The following PTPRG variants were observed in gnomAD, a reference collection of about 807,000 sequenced individuals.
PTPRG encodes the protein receptor-type tyrosine-protein phosphatase gamma.
PTPRG carries 102 observed loss-of-function variants against 165.3 expected under a neutral mutation model. That is an observed-to-expected ratio of 0.62 (90% CI 0.53 to 0.73). The LOEUF (loss-of-function observed/expected upper bound fraction) is 0.73, where lower values mean the gene tolerates loss of function less well. Ranked by LOEUF, PTPRG falls within the 30% of genes least tolerant of loss-of-function variation. The pLI is 0.00. For synonymous variants in PTPRG, 675 were observed against 669.5 expected (o/e 1.01, Z -0.13); for missense variants, 1,866 against 1,861.4 (o/e 1.00, Z -0.05).
At chr3:61,790,079 A>G (rs1049739428) in intron 2 of PTPRG, among the ~76,000 whole-genome samples, 2 of 152,190 alleles carry the variant, frequency 1.3e-5, no homozygotes, top group African/African-American at 4.8e-5. Flanking sequence ...CAGAGTTCAC[A>G]GGCTGTACCT....
At chr3:61,877,017 G>T (rs2037760328) in intron 2 of PTPRG, among the ~76,000 whole-genome samples, 1 of 151,716 alleles carries the variant, frequency 6.6e-6, no homozygotes, top group African/African-American at 2.4e-5. Context: ...AATACCGCCT[G>T]TAATTCAGGC....
In PTPRG at chr3:62,190,392, G is replaced by T. The variant is rs112120680; in HGVS notation, c.1034-1077G>T. ...TGAAGGCAGGCAGCACGGCCACACG[G>T]GTCTGGACACCCCTGAGAAAGCACA... On this transcript the variant is annotated intron_variant, in intron 8 of 29. Coordinates refer to ENST00000474889, the MANE Select transcript of PTPRG (RefSeq NM_002841.4). The surrounding 1 kb of genome is among the most constrained non-coding windows in gnomAD (Gnocchi z 5.2). 1.0e-2 allele frequency among the ~76,000 whole-genome samples: 1,520 copies of T among 152,262 alleles called. 20 individuals are homozygous for T. The highest frequency in any genetic ancestry group is 0.034 in the African/African-American group (1,428 of 41,554).
At chr3:61,622,619 C>T (rs1200674652) in intron 1 of PTPRG, among the ~76,000 whole-genome samples, 1 of 152,062 alleles carries the variant, frequency 6.6e-6, no homozygotes, top group African/African-American at 2.4e-5. Flanking sequence ...ATGGAAAGTG[C>T]TTTTCTCTGA....
At chr3:61,827,741 T>A (rs2036152600) in intron 2 of PTPRG, among the ~76,000 whole-genome samples, 1 of 152,218 alleles carries the variant, frequency 6.6e-6, no homozygotes, top group Admixed American at 6.5e-5. Context: ...GATATACATT[T>A]TAATATCAAG....
Position 61,878,109 on chromosome 3 carries a change from A to G in PTPRG, c.191-111516A>G, listed in dbSNP as rs185700605. 2.0e-5 allele frequency among the ~76,000 whole-genome samples: 3 copies of G among 152,316 alleles called. No individual in the cohort carries two copies. In the East Asian group the frequency reaches 5.8e-4, roughly 29 times the overall value. Reference sequence around the variant, plus strand: ...TATCAGAATTGTTGTTCATATTCTGACATTTATCACCCAAACTCACTGAAA... The same window carrying G: ...TATCAGAATTGTTGTTCATATTCTGGCATTTATCACCCAAACTCACTGAAA... On this transcript the variant is annotated intron_variant, in intron 2 of 29. Coordinates refer to ENST00000474889, the MANE Select transcript of PTPRG (RefSeq NM_002841.4).
At chr3:62,096,999 C>T (rs775163761) in intron 5 of PTPRG, among the ~76,000 whole-genome samples, 4 of 152,152 alleles carry the variant, frequency 2.6e-5, no homozygotes, top group Admixed American at 1.3e-4. Flanking sequence ...AAAATCCGCC[C>T]ATCTTAAAAG....
At chr3:61,738,433 A>G (rs866439860) in intron 1 of PTPRG, among the ~76,000 whole-genome samples, 18 of 150,968 alleles carry the variant, frequency 1.2e-4, no homozygotes, top group Admixed American at 4.6e-4. Flanking sequence ...TAAAAGGCCT[A>G]TTTCTTTCAA....
chr3:62,080,010 G>C (rs1222616306), intron 5 of PTPRG, among the ~76,000 whole-genome samples: 9 of 151,162 alleles, frequency 6.0e-5, no homozygotes, highest in Admixed American at 4.0e-4. Context: ...GTATGTTCTG[G>C]ACACTGCCCT....
At chr3:61,659,980 A>G (rs1410722851) in intron 1 of PTPRG, among the ~76,000 whole-genome samples, 1 of 152,152 alleles carries the variant, frequency 6.6e-6, no homozygotes, top group Non-Finnish European at 1.5e-5. Flanking sequence ...TAATCTCAGC[A>G]CTTTGGGAGG....
chr3:62,207,440 C>A (rs553111445), intron 12 of PTPRG, among the ~76,000 whole-genome samples: 8 of 152,228 alleles, frequency 5.3e-5, no homozygotes, highest in African/African-American at 1.7e-4. Flanking sequence ...TCCATTCACC[C>A]TGTCCTTTGC....
intron 2 of PTPRG, among the ~76,000 whole-genome samples, chr3:61,810,112 C>A (rs1312295172): frequency 3.9e-5 from 6 of 152,198 alleles, no homozygotes; most frequent in African/African-American, 1.4e-4. Context: ...GCCAGTGATA[C>A]TTGCAACTGT....
chr3:61,985,898 C>T (rs2040747818), intron 2 of PTPRG, among the ~76,000 whole-genome samples: 1 of 152,124 alleles, frequency 6.6e-6, no homozygotes, highest in African/African-American at 2.4e-5. Context: ...CTTTCATGGA[C>T]ATCTCATATT....
intron 2 of PTPRG, among the ~76,000 whole-genome samples, chr3:61,848,973 T>G (rs1394133834): frequency 6.6e-6 from 1 of 152,228 alleles, no homozygotes; most frequent in East Asian, 1.9e-4. Context: ...CAGCAAAAGT[T>G]CCTTCCCGGA....
intron 2 of PTPRG, among the ~76,000 whole-genome samples, chr3:61,852,435 A>C (rs2036988832): frequency 6.6e-6 from 1 of 152,212 alleles, no homozygotes; most frequent in African/African-American, 2.4e-5. Flanking sequence ...TTTTACAGTA[A>C]GACACAGATC....
rs758155993 is a variant in PTPRG, at chr3:62,267,717, C to G, written c.2772C>G (p.Thr924=). 2.5e-6 allele frequency: 4 copies of G among 1,613,206 alleles called. No individual in the cohort carries two copies. In the African/African-American group the frequency reaches 5.3e-5, roughly 22 times the overall value. Residue 924 remains threonine, a synonymous_variant, in exon 19 of 30, where the codon ACC becomes ACG. Transcript: ENST00000474889. ...ACAAAGCAAAAGCCTACATTGCCAC[C>G]CAAGGACCTTTGAAGTCTACATTTG... ...GYNKAKAYIA[T]QGPLKSTFED...
intron 2 of PTPRG, among the ~76,000 whole-genome samples, chr3:61,901,497 A>G (rs1044679979): frequency 1.3e-5 from 2 of 152,214 alleles, no homozygotes; most frequent in African/African-American, 4.8e-5. Context: ...ACAACCTTGG[A>G]TGTACTGTTT....
intron 1 of PTPRG, among the ~76,000 whole-genome samples, chr3:61,623,184 C>G (rs113922224): frequency 6.6e-6 from 1 of 152,092 alleles, no homozygotes; most frequent in Admixed American, 6.6e-5. Flanking sequence ...TCGTAAGATA[C>G]CAAACCTTGG....
intron 2 of PTPRG, among the ~76,000 whole-genome samples, chr3:61,758,044 GC>G (rs780128902): frequency 2.0e-5 from 3 of 152,072 alleles, no homozygotes; most frequent in Non-Finnish European, 2.9e-5. Context: ...GATTCATAAA[GC>G]CCACCCACTT....
chr3:61,859,999 T>G (rs1332041166), intron 2 of PTPRG, among the ~76,000 whole-genome samples: 1 of 152,230 alleles, frequency 6.6e-6, no homozygotes, highest in Non-Finnish European at 1.5e-5. Context: ...CAATAGAATA[T>G]ATCATGTATT....
Sources: allele counts gnomAD v4.1 joint callset (sites outside exome capture counted in the v4.1 genomes callset), GRCh38; gene constraint gnomAD v4.1.1; non-coding constraint Gnocchi (gnomAD v3.1); transcripts MANE v1.5; gene names NCBI Gene and HGNC (gene_info 2026-07-23, HGNC 2026-07-21).